ZNF749: variants seen among roughly 807,000 people sequenced by gnomAD.
The protein encoded by ZNF749 is zinc finger protein 749.
ZNF749 carries 8 observed loss-of-function variants against 7.3 expected under a neutral mutation model. That is an observed-to-expected ratio of 1.10 (90% confidence interval 0.64 to 1.98). The LOEUF (loss-of-function observed/expected upper bound fraction) is 1.98, where lower values mean the gene tolerates loss of function less well. Ranked by LOEUF, ZNF749 falls within the 30% of genes most tolerant of loss-of-function variation. ZNF749 has a pLI of 0.00. For synonymous variants in ZNF749, 310 were observed against 322.4 expected (o/e 0.96, Z 0.41); for missense variants, 898 against 932.4 (o/e 0.96, Z 0.48).
rs537034417 is a variant in ZNF749 at position 57,442,744 on chromosome 19, T to C, written c.143-547T>C. On this transcript the variant is annotated intron_variant, in intron 2 of 2. Transcript: ENST00000334181. This position sits in a 1 kb window ranked among gnomAD's most constrained non-coding sequence, Gnocchi z 6.6. ...AGAACTTACCTTGTGACCACTATTG[T>C]TTGATGCAGGGCCACTGGCCACTCG... 6.6e-6 allele frequency among the ~76,000 whole-genome samples: 1 copy of C among 152,280 alleles called. No homozygotes were observed. Among genetic ancestry groups the C allele is most frequent in the South Asian group, 2.1e-4 (1 of 4,824 alleles).
upstream of ZNF749, among the ~76,000 whole-genome samples, chr19:57,434,725 C>T (rs578016413): frequency 6.6e-6 from 1 of 152,278 alleles, no homozygotes; most frequent in Admixed American, 6.5e-5. Context: ...AAAGTTCCAC[C>T]CTTTTCGTCG....
chr19:57,437,807 TC>T (rs1300809529), intron 1 of ZNF749, among the ~76,000 whole-genome samples: 1 of 151,750 alleles, frequency 6.6e-6, no homozygotes, highest in Non-Finnish European at 1.5e-5. Flanking sequence ...AAACCATTAA[TC>T]CTATAGAAAG....
At chr19:57,435,711 G>T in intron 1 of ZNF749, 118 bp downstream of exon 1, 2 of 1,486,234 alleles carry the variant, frequency 1.3e-6, no homozygotes, top group Non-Finnish European at 9.0e-7. Context: ...CTTGTGTGGG[G>T]TGCCCGGGAC....
At position 57,444,810 on chromosome 19, in the gene ZNF749, G is replaced by A. The variant is rs748821849; in HGVS notation, c.1662G>A (p.Arg554=). 3.1e-6 allele frequency: 5 copies of A among 1,614,104 alleles called. No homozygotes were observed. The South Asian group carries it at 5.5e-5, about 18-fold the overall frequency. ...IQHKRIDLRP[R]PYVCSECGKA... ...ACAAGAGGATTGACCTCAGGCCAAG[G>A]CCTTATGTGTGTAGTGAATGTGGGA... is the stretch of plus-strand genomic sequence containing the variant. The change falls in exon 3 of 3, where the codon AGG becomes AGA. Residue 554 remains arginine (R), a synonymous_variant. Coordinates refer to ENST00000334181, the MANE Select transcript of ZNF749 (RefSeq NM_001023561.4).
chr19:57,440,201 G>A (rs971032347), intron 1 of ZNF749, among the ~76,000 whole-genome samples: 4 of 152,090 alleles, frequency 2.6e-5, no homozygotes, highest in African/African-American at 9.7e-5. Context: ...TTGGACCTGG[G>A]TAGTTTCATG....
chr19:57,439,696 G>T lies in ZNF749; in HGVS notation c.16-2189G>T, dbSNP rs957710934. On this transcript the variant is annotated intron_variant, in intron 1 of 2. Transcript: ENST00000334181. The surrounding 1 kb of genome is among the most constrained non-coding windows in gnomAD (Gnocchi z 4.3). ...CACCTGAGCCTGGGAAGTAAAGGCT[G>T]CAGTGAGCCATGATTGTGCCCCTGC... Among the ~76,000 whole-genome samples the T allele has an allele frequency of 6.6e-6, 1 of 152,206 alleles. No homozygotes were observed. The highest frequency in any genetic ancestry group is 2.4e-5 in the African/African-American group (1 of 41,458).
At position 57,439,175 on chromosome 19, in the gene ZNF749, C is replaced by G. The variant is rs1366967689; in HGVS notation, c.16-2710C>G. Reference sequence around the variant, plus strand: ...CAGGTGAGGGTGGAGCCACCGATACCTGGGTGATGGGTCCAGCAACAGCCC... The same window carrying G: ...CAGGTGAGGGTGGAGCCACCGATACGTGGGTGATGGGTCCAGCAACAGCCC... On this transcript the variant is annotated intron_variant, in intron 1 of 2. Transcript: ENST00000334181. The surrounding 1 kb of genome is among the most constrained non-coding windows in gnomAD (Gnocchi z 4.3). 6.6e-6 allele frequency among the ~76,000 whole-genome samples: 1 copy of G among 152,132 alleles called. No homozygotes were observed. The highest frequency in any genetic ancestry group is 6.5e-5 in the Admixed American group (1 of 15,282).
upstream of ZNF749, among the ~76,000 whole-genome samples, chr19:57,432,571 A>C (rs1244453719): frequency 3.6e-5 from 5 of 140,724 alleles, no homozygotes; most frequent in African/African-American, 1.3e-4. Flanking sequence ...TAAAAAAAAA[A>C]AAAAAAAAAA....
intron 1 of ZNF749, among the ~76,000 whole-genome samples, chr19:57,437,300 C>G (rs891904921): frequency 2.0e-5 from 3 of 151,556 alleles, no homozygotes; most frequent in African/African-American, 7.3e-5. Flanking sequence ...TAAATATGTA[C>G]ACATAGGCAA....
Position 57,444,589 on chromosome 19 carries a change from A to C in ZNF749, c.1441A>C (p.Arg481=), listed in dbSNP as rs1200582917. ...IQHKRIDIRP[R]PYTCSECGKA... ...ACACAAGAGGATTGACATTAGGCCA[A>C]GGCCTTATACATGCAGTGAATGTGG... The change falls in exon 3 of 3, where the codon AGG becomes CGG. Residue 481 remains arginine, a synonymous_variant. Coordinates refer to ENST00000334181, the MANE Select transcript of ZNF749 (RefSeq NM_001023561.4). 6.2e-7 allele frequency: 1 copy of C among 1,613,832 alleles called. No homozygotes were observed. Among genetic ancestry groups the C allele is most frequent in the African/African-American group, 1.3e-5 (1 of 74,942 alleles).
chr19:57,429,655 T>A, the ZNF749 span, among the ~76,000 whole-genome samples: 1,063 of 152,092 alleles, frequency 7.0e-3, 12 homozygotes, highest in African/African-American at 0.024. The surrounding 1 kb of genome is among the most constrained non-coding windows in gnomAD (Gnocchi z 4.2). Flanking sequence ...ATTTTTTTTA[T>A]TTTTTATTTT....
chr19:57,440,599 A>T (rs2088977784), intron 1 of ZNF749, among the ~76,000 whole-genome samples: 1 of 152,140 alleles, frequency 6.6e-6, no homozygotes, highest in African/African-American at 2.4e-5. Flanking sequence ...ACAGAGTGGC[A>T]TCTTGGGAGG....
rs539752597 is a variant in ZNF749, at chr19:57,439,636, G to T, written c.16-2249G>T. 1.3e-5 allele frequency among the ~76,000 whole-genome samples: 2 copies of T among 152,080 alleles called. No individual in the cohort carries two copies. Among genetic ancestry groups the T allele is most frequent in the South Asian group, 4.2e-4 (2 of 4,792 alleles). Reference sequence around the variant, plus strand: ...GCTGGGTGTGGTGGCGTCTCTCTGTGGTCTCAGCTAATCGGCGTGCTGAGG... The same window carrying T: ...GCTGGGTGTGGTGGCGTCTCTCTGTTGTCTCAGCTAATCGGCGTGCTGAGG... On this transcript the variant is annotated intron_variant, in intron 1 of 2. Coordinates refer to ENST00000334181, the MANE Select transcript of ZNF749 (RefSeq NM_001023561.4). The surrounding 1 kb of genome is among the most constrained non-coding windows in gnomAD (Gnocchi z 4.3).
intron 1 of ZNF749, among the ~76,000 whole-genome samples, chr19:57,441,237 C>T (rs532569506): frequency 6.6e-5 from 10 of 151,334 alleles, no homozygotes; most frequent in East Asian, 1.9e-4. Context: ...GCAGTGGGGG[C>T]GAGAGAAGTG....
In ZNF749 at chr19:57,435,522, A is replaced by G. The variant is rs2123089045; in HGVS notation, c.-57A>G. On this transcript the variant is annotated 5_prime_UTR_variant, in exon 1 of 3. Coordinates refer to ENST00000334181, the MANE Select transcript of ZNF749 (RefSeq NM_001023561.4). ...GGCGCCCCTGCCTCCGTCAGCGTCCAGGTGACCGCCGTTCCCGCCCCGCTC... is the reference window on the plus strand; with the variant it reads ...GGCGCCCCTGCCTCCGTCAGCGTCCGGGTGACCGCCGTTCCCGCCCCGCTC... 1 of 1,571,440 alleles carries G rather than the reference A, an allele frequency of 6.4e-7. No homozygotes were observed. The highest frequency in any genetic ancestry group is 8.6e-7 in the Non-Finnish European group (1 of 1,161,058).
chr19:57,441,776 G>A (rs529255595), intron 1 of ZNF749, 109 bp from the exon 2 acceptor site: 11 of 1,300,158 alleles, frequency 8.5e-6, no homozygotes, highest in African/African-American at 5.9e-5. Flanking sequence ...TAAAAACATT[G>A]GCTGTTAGTT....
In ZNF749 at chr19:57,439,443, T is replaced by C. The variant is rs945551486; in HGVS notation, c.16-2442T>C. On this transcript the variant is annotated intron_variant, in intron 1 of 2. Coordinates refer to ENST00000334181, the MANE Select transcript of ZNF749 (RefSeq NM_001023561.4). The surrounding 1 kb of genome is among the most constrained non-coding windows in gnomAD (Gnocchi z 4.3). ...TGTAGTAGGGGGAGTGTTTATATAGTAGAGCATATGAGGAACCAAGTTTTG... is the reference window on the plus strand; with the variant it reads ...TGTAGTAGGGGGAGTGTTTATATAGCAGAGCATATGAGGAACCAAGTTTTG... 6.6e-6 allele frequency among the ~76,000 whole-genome samples: 1 copy of C among 152,030 alleles called. No individual in the cohort carries two copies. The highest frequency in any genetic ancestry group is 6.6e-5 in the Admixed American group (1 of 15,258).
At chr19:57,435,109 G>A (rs565561231), upstream of ZNF749, among the ~76,000 whole-genome samples, 1 of 152,168 alleles carries the variant, frequency 6.6e-6, no homozygotes, top group Non-Finnish European at 1.5e-5. Context: ...GCTCCTCCAG[G>A]AGCCTCCAGC....
At chr19:57,429,723 C>T in the ZNF749 span, among the ~76,000 whole-genome samples, 1 of 152,056 alleles carries the variant, frequency 6.6e-6, no homozygotes, top group Non-Finnish European at 1.5e-5. This position sits in a 1 kb window ranked among gnomAD's most constrained non-coding sequence, Gnocchi z 4.2. Context: ...GTAATCTCAG[C>T]TTACCACAGT....
Sources: gnomAD v4.1 joint callset for allele counts (sites outside exome capture counted in the v4.1 genomes callset) on GRCh38, gnomAD v4.1.1 for gene constraint, Gnocchi (gnomAD v3.1) non-coding constraint, MANE v1.5 for transcripts, NCBI Gene and HGNC (gene_info 2026-07-23, HGNC 2026-07-21) for gene names.